ERICH5: variants seen among roughly 807,000 people sequenced by gnomAD.
The protein encoded by ERICH5 is glutamate-rich protein 5.
In ERICH5, 24 loss-of-function variants were observed where a neutral mutation model predicts 28.0. The ratio of observed to expected loss-of-function variants is 0.86; its 90% CI spans 0.62 to 1.21. The LOEUF is 1.21. Ranked by LOEUF, ERICH5 falls within the 50% of genes most tolerant of loss-of-function variation. ERICH5 has a pLI of 0.00. For missense variants in ERICH5, 421 were observed against 441.2 expected, an observed-to-expected ratio of 0.95 and a Z score of 0.41; for synonymous variants, 163 against 157.6, an observed-to-expected ratio of 1.03 and a Z score of -0.25.
Position 98,091,900 on chromosome 8 carries a change from C to CTTTCTTTTT in ERICH5, c.1013-1321_1013-1320insTTTCTTTTT. Among the ~76,000 whole-genome samples, 97 of 74,700 alleles carry CTTTCTTTTT rather than the reference C, an allele frequency of 1.3e-3. 2 individuals carry two copies. The highest frequency in any genetic ancestry group is 4.9e-3 in the African/African-American group (88 of 17,834). The allele number at this position is 74,700 out of a possible 152,430, so 49.0% of individuals were successfully genotyped here. On this transcript the variant is annotated intron_variant, in intron 2 of 2. Coordinates refer to ENST00000318528, the MANE Select transcript of ERICH5 (RefSeq NM_173549.3). The stretch of plus-strand genomic sequence containing the variant: ...TCTTTCTTTCTTTCTTTCTTTCTTT[C>CTTTCTTTTT]CTTTCTTTCTTTCTTTCTTCCTTTC...
At chr8:98,065,249 G>A (rs1225585875) in intron 1 of ERICH5, among the ~76,000 whole-genome samples, 1 of 152,142 alleles carries the variant, frequency 6.6e-6, no homozygotes, top group African/African-American at 2.4e-5. Context: ...CAACAAAAAA[G>A]ACTTTTCCCC....
At chr8:98,066,897 C>A (rs1814829416) in intron 1 of ERICH5, among the ~76,000 whole-genome samples, 1 of 152,206 alleles carries the variant, frequency 6.6e-6, no homozygotes, top group African/African-American at 2.4e-5. Flanking sequence ...TGTGTACATA[C>A]TTTTAGACAA....
chr8:98,076,096 C>T (rs373576366), intron 1 of ERICH5, among the ~76,000 whole-genome samples: 2 of 152,132 alleles, frequency 1.3e-5, no homozygotes, highest in African/African-American at 4.8e-5. Context: ...CTCTGTCACC[C>T]AGGCTGGAGT....
rs562036231 is a variant in ERICH5, at chr8:98,077,048, A to G, written c.59-12028A>G. On this transcript the variant is annotated intron_variant, in intron 1 of 2. Transcript: ENST00000318528. ...AAGGCCAACGCAGGAGGATCGCTTC[A>G]GGCCAGGAGTTTGAGACCAGCCTGG... Among the ~76,000 whole-genome samples the G allele has an allele frequency of 2.0e-5, 3 of 152,076 alleles. No individual in the cohort carries two copies. The South Asian group carries it at 6.3e-4, about 32-fold the overall frequency.
intron 2 of ERICH5, among the ~76,000 whole-genome samples, chr8:98,091,941 CTTT>C (rs1563759689): frequency 2.8e-4 from 8 of 28,510 alleles, no homozygotes; most frequent in African/African-American, 8.0e-4. Flanking sequence ...TTCTTCCTTT[CTTT>C]CTTTCTTCTT....
At chr8:98,091,690 T>C (rs943665868) in intron 2 of ERICH5, among the ~76,000 whole-genome samples, 3 of 152,226 alleles carry the variant, frequency 2.0e-5, no homozygotes, top group African/African-American at 7.2e-5. Flanking sequence ...GTGTGTGCAA[T>C]GTCCAGACTT....
At chr8:98,078,849 A>G (rs1177526633) in intron 1 of ERICH5, among the ~76,000 whole-genome samples, 1 of 152,240 alleles carries the variant, frequency 6.6e-6, no homozygotes, top group African/African-American at 2.4e-5. Flanking sequence ...CAGATGTGAA[A>G]ACAACGCATC....
intron 1 of ERICH5, among the ~76,000 whole-genome samples, chr8:98,065,315 C>T (rs1055690697): frequency 3.3e-5 from 5 of 152,198 alleles, no homozygotes; most frequent in African/African-American, 1.2e-4. Flanking sequence ...GCGGAGAATC[C>T]AGAGGAGCAT....
intron 1 of ERICH5, among the ~76,000 whole-genome samples, chr8:98,072,350 G>A (rs2513825): frequency 0.6 from 91,511 of 151,982 alleles, 27,680 homozygotes; most frequent in East Asian, 0.69. Flanking sequence ...AGGAAGTGTT[G>A]GTGGCCGGGT....
At chr8:98,069,627 GT>G (rs1398524185) in intron 1 of ERICH5, among the ~76,000 whole-genome samples, 2 of 152,004 alleles carry the variant, frequency 1.3e-5, no homozygotes, top group African/African-American at 4.8e-5. Context: ...CATTTAATTT[GT>G]TTACAGTCTT....
At chr8:98,091,806 A>G (rs1815387425) in intron 2 of ERICH5, among the ~76,000 whole-genome samples, 1 of 151,508 alleles carries the variant, frequency 6.6e-6, no homozygotes, top group Non-Finnish European at 1.5e-5. Context: ...ATTTAGATAC[A>G]AATTAGACTT....
chr8:98,065,880 A>G (rs79258171), intron 1 of ERICH5, among the ~76,000 whole-genome samples: 5,673 of 152,296 alleles, frequency 0.037, 348 homozygotes, highest in African/African-American at 0.13. Flanking sequence ...AGAGCGCACC[A>G]GACGGTGAGG....
At chr8:98,069,012 G>A (rs1197370899) in intron 1 of ERICH5, among the ~76,000 whole-genome samples, 1 of 152,180 alleles carries the variant, frequency 6.6e-6, no homozygotes, top group East Asian at 1.9e-4. Context: ...CTGACATCTA[G>A]TTAGGTCATC....
chr8:98,073,432 C>CTCTATATATATATATATATATATG (rs1308514320), intron 1 of ERICH5, among the ~76,000 whole-genome samples: 1 of 15,040 alleles, frequency 6.6e-5, no homozygotes, highest in Non-Finnish European at 1.1e-4. Context: ...CTCTCTCTCT[C>CTCTATATATATATATATATATATG]TATATATATA....
intron 1 of ERICH5, among the ~76,000 whole-genome samples, chr8:98,073,515 T>C (rs1290076226): frequency 1.5e-3 from 10 of 6,696 alleles, no homozygotes; most frequent in Admixed American, 3.0e-3. Flanking sequence ...TATATATATA[T>C]GTATATATAT....
At chr8:98,067,983 A>G (rs1386836081) in intron 1 of ERICH5, among the ~76,000 whole-genome samples, 2 of 152,022 alleles carry the variant, frequency 1.3e-5, no homozygotes, top group Non-Finnish European at 2.9e-5. Context: ...AATAAGATAT[A>G]TAGTATAATG....
chr8:98,076,815 A>C (rs1425931634), intron 1 of ERICH5, among the ~76,000 whole-genome samples: 2 of 132,034 alleles, frequency 1.5e-5, no homozygotes, highest in African/African-American at 2.7e-5. Context: ...AAGATTCAGC[A>C]TTGAAAAAAA....
intron 1 of ERICH5, among the ~76,000 whole-genome samples, chr8:98,078,028 C>A (rs2447512): frequency 0.51 from 77,181 of 151,954 alleles, 20,119 homozygotes; most frequent in Admixed American, 0.59. Context: ...ACCCTCAAAT[C>A]ATTTTTTTGG....
chr8:98,065,307 G>A (rs942429256), intron 1 of ERICH5, among the ~76,000 whole-genome samples: 1 of 152,162 alleles, frequency 6.6e-6, no homozygotes, highest in African/African-American at 2.4e-5. Context: ...CAAAAGATGC[G>A]GAGAATCCAG....
Sources: gnomAD v4.1 joint callset for allele counts (sites outside exome capture counted in the v4.1 genomes callset) on GRCh38, gnomAD v4.1.1 for gene constraint, MANE v1.5 for transcripts, NCBI Gene and HGNC (gene_info 2026-07-23, HGNC 2026-07-21) for gene names.